FYB2: variants seen among roughly 807,000 people sequenced by gnomAD.
FYB2 encodes FYN binding protein 2, also known as FYN-binding protein 2.
Under a neutral mutation model 94.1 loss-of-function variants are expected in FYB2, and 103 were observed. That is an observed-to-expected ratio of 1.09 (90% confidence interval 0.93 to 1.29). The LOEUF is 1.29. FYB2 is among the 50% of genes most tolerant of loss of function. The pLI is 0.00. For missense variants in FYB2, 896 were observed against 841.5 expected (o/e 1.06, Z -0.80); for synonymous variants, 293 against 287.9 (o/e 1.02, Z -0.18).
the FYB2 span, chr1:56,825,165 A>G: frequency 6.6e-6 from 1 of 152,224 alleles, no homozygotes; most frequent in Non-Finnish European, 1.5e-5. Context: ...ACATTTGTAG[A>G]ATTGAATGAC....
At chr1:56,819,443 T>TG, upstream of FYB2, 1 of 1,103,026 alleles carries the variant, frequency 9.1e-7, no homozygotes, top group Non-Finnish European at 1.3e-6. Flanking sequence ...CTGCCCCATC[T>TG]GGGCCGAGGC....
At chr1:56,805,568 G>A (rs924939189) in intron 1 of FYB2, among the ~76,000 whole-genome samples, 1 of 152,124 alleles carries the variant, frequency 6.6e-6, no homozygotes, top group African/African-American at 2.4e-5. Flanking sequence ...CATAGCAAAT[G>A]GGTGCTAAGC....
At chr1:56,765,809 T>C (rs1645608303) in intron 5 of FYB2, among the ~76,000 whole-genome samples, 1 of 152,202 alleles carries the variant, frequency 6.6e-6, no homozygotes, top group Admixed American at 6.5e-5. Context: ...CCTTTCAGAG[T>C]CATCTAGTCT....
chr1:56,719,505 G>C lies in FYB2; in HGVS notation c.*166C>G. Reference sequence around the variant, plus strand: ...TTAGGAGTAAAACCAACATCTAAATGTTGAGGATTTGTTTTTATTTTTCTC... The same window carrying C: ...TTAGGAGTAAAACCAACATCTAAATCTTGAGGATTTGTTTTTATTTTTCTC... On this transcript the variant is annotated 3_prime_UTR_variant, in exon 20 of 20. Transcript: ENST00000343433. 3.4e-6 allele frequency: 2 copies of C among 591,782 alleles called. No homozygotes were observed. The highest frequency in any genetic ancestry group is 5.8e-6 in the Non-Finnish European group (2 of 346,966). The allele number at this position is 591,782 out of a possible 1,614,324, so 36.7% of individuals were successfully genotyped here. A position where few individuals can be genotyped will look rare whatever the true frequency, so the allele number is the denominator to read the frequency against.
chr1:56,773,687 T>C (rs1225741428), intron 4 of FYB2, among the ~76,000 whole-genome samples: 1 of 152,198 alleles, frequency 6.6e-6, no homozygotes, highest in East Asian at 1.9e-4. Flanking sequence ...AGAAGAGCTT[T>C]CATTAAGTAG....
chr1:56,726,950 G>T (rs1340153603), intron 15 of FYB2, among the ~76,000 whole-genome samples: 7 of 128,220 alleles, frequency 5.5e-5, no homozygotes, highest in African/African-American at 1.3e-4. Flanking sequence ...GTTTTGTTTT[G>T]TTTTTTTTTT....
chr1:56,796,466 G>C (rs954813298), intron 1 of FYB2, among the ~76,000 whole-genome samples: 26 of 152,108 alleles, frequency 1.7e-4, no homozygotes, highest in African/African-American at 6.0e-4. Context: ...CTCACTTACT[G>C]CTTCGAATGA....
Position 56,726,642 on chromosome 1 carries a change from C to T in FYB2, c.1794-59G>A, listed in dbSNP as rs558855495. The stretch of plus-strand genomic sequence containing the variant: ...AGACTGAATTATATATTCATGGAAC[C>T]ATCAACACTTCATGGGCAATTATGT... On this transcript the variant is annotated intron_variant, in intron 15 of 19. Coordinates refer to ENST00000343433, the MANE Select transcript of FYB2 (RefSeq NM_001004303.5). 1.3e-5 allele frequency: 17 copies of T among 1,352,906 alleles called. No individual in the cohort carries two copies. In the African/African-American group the frequency reaches 2.1e-4, roughly 16 times the overall value. 83.8% of individuals were successfully genotyped at this position (1,352,906 alleles called of 1,614,324 possible). A position where few individuals can be genotyped will look rare whatever the true frequency, so the allele number is the denominator to read the frequency against.
chr1:56,793,507 C>A (rs1375286786), intron 1 of FYB2, among the ~76,000 whole-genome samples: 1 of 152,124 alleles, frequency 6.6e-6, no homozygotes, highest in Non-Finnish European at 1.5e-5. Flanking sequence ...TTCTCACTTA[C>A]AAGTAGGAGC....
chr1:56,796,364 G>T (rs982785551), intron 1 of FYB2, among the ~76,000 whole-genome samples: 1 of 152,054 alleles, frequency 6.6e-6, no homozygotes, highest in South Asian at 2.1e-4. Context: ...TTAAAACCAT[G>T]CCCCATTTTT....
intron 1 of FYB2, 56 bp from the exon 2 acceptor site, chr1:56,792,859 C>G: frequency 2.0e-6 from 3 of 1,495,340 alleles, no homozygotes; most frequent in Non-Finnish European, 2.7e-6. Context: ...CAAACAACAA[C>G]AACAAAAACA....
chr1:56,730,162 A>G (rs1462519600), intron 15 of FYB2, among the ~76,000 whole-genome samples: 1 of 151,868 alleles, frequency 6.6e-6, no homozygotes, highest in Non-Finnish European at 1.5e-5. Context: ...TTAGTAGAAG[A>G]AAAGAAATAA....
chr1:56,767,828 C>G lies in FYB2; in HGVS notation c.1063+1G>C, dbSNP rs748845047. 4.1e-5 allele frequency: 66 copies of G among 1,591,290 alleles called. No individual in the cohort carries two copies. Among genetic ancestry groups the G allele is most frequent in the Non-Finnish European group, 5.4e-5 (63 of 1,162,130 alleles). ...ACTATTAATTGGCTTAGCAGACTTA[C>G]GATCAGCAATTTCTTTTGCAGTGCA... On this transcript the variant is annotated splice_donor_variant, in intron 5 of 19. Coordinates refer to ENST00000343433, the MANE Select transcript of FYB2 (RefSeq NM_001004303.5). LOFTEE classifies it high-confidence loss of function.
intron 17 of FYB2, among the ~76,000 whole-genome samples, chr1:56,723,307 G>C (rs1159814009): frequency 6.6e-6 from 1 of 151,912 alleles, no homozygotes; most frequent in East Asian, 1.9e-4. Flanking sequence ...TGTGCTGAAG[G>C]AGTAACTTAA....
At chr1:56,773,810 G>A (rs1218130809) in intron 4 of FYB2, among the ~76,000 whole-genome samples, 1 of 152,134 alleles carries the variant, frequency 6.6e-6, no homozygotes, top group Non-Finnish European at 1.5e-5. Context: ...GCATTTTGGA[G>A]ACAGGATGAA....
In FYB2 at chr1:56,791,973, C is replaced by T. The variant is rs549796011; in HGVS notation, c.757+83G>A. 44 of 1,500,216 alleles carry T rather than the reference C, an allele frequency of 2.9e-5. No homozygotes were observed. The African/African-American group carries it at 5.9e-4, about 20-fold the overall frequency. 92.9% of individuals were successfully genotyped at this position (1,500,216 alleles called of 1,614,324 possible). A position where few individuals can be genotyped will look rare whatever the true frequency, so the allele number is the denominator to read the frequency against. ...CACATTTCCCAGGTCATATACATAA[C>T]CACTCTGAATCAACAGGTTTTCAAG... is the stretch of plus-strand genomic sequence containing the variant. On this transcript the variant is annotated intron_variant, in intron 2 of 19. Coordinates refer to ENST00000343433, the MANE Select transcript of FYB2 (RefSeq NM_001004303.5).
At chr1:56,800,580 C>T (rs1000433779) in intron 1 of FYB2, among the ~76,000 whole-genome samples, 1 of 152,166 alleles carries the variant, frequency 6.6e-6, no homozygotes, top group South Asian at 2.1e-4. Context: ...AGCAAGAATA[C>T]CAGCTCCATT....
chr1:56,773,202 C>G (rs949590182), intron 4 of FYB2, among the ~76,000 whole-genome samples: 1 of 152,120 alleles, frequency 6.6e-6, no homozygotes, highest in African/African-American at 2.4e-5. Flanking sequence ...GGACAAGTGA[C>G]CTCTCATGGT....
chr1:56,765,734 G>A (rs1645606638), intron 5 of FYB2, among the ~76,000 whole-genome samples: 1 of 152,150 alleles, frequency 6.6e-6, no homozygotes, highest in Non-Finnish European at 1.5e-5. Flanking sequence ...AGAAAACCAG[G>A]GAACTCACCA....
Sources: allele counts gnomAD v4.1 joint callset (sites outside exome capture counted in the v4.1 genomes callset), GRCh38; gene constraint gnomAD v4.1.1; transcripts MANE v1.5; gene names NCBI Gene and HGNC (gene_info 2026-07-23, HGNC 2026-07-21).